ANKRD55: variants seen among roughly 807,000 people sequenced by gnomAD.
The protein encoded by ANKRD55 is ankyrin repeat domain-containing protein 55.
ANKRD55 carries 41 observed loss-of-function variants against 60.6 expected under a neutral mutation model. The ratio of observed to expected loss-of-function variants is 0.68; its 90% CI spans 0.53 to 0.88. The LOEUF (loss-of-function observed/expected upper bound fraction) is 0.88, where lower values mean the gene tolerates loss of function less well. Ranked by LOEUF, ANKRD55 falls within the 40% of genes least tolerant of loss-of-function variation. ANKRD55 has a pLI of 0.00. For synonymous variants in ANKRD55, 264 were observed against 290.3 expected (o/e 0.91, Z 0.92); for missense variants, 732 against 767.6 (o/e 0.95, Z 0.55).
At chr5:56,167,237 C>T (rs141654011) in intron 5 of ANKRD55, among the ~76,000 whole-genome samples, 5 of 152,150 alleles carry the variant, frequency 3.3e-5, no homozygotes, top group South Asian at 2.1e-4. Context: ...GATGGTAGAG[C>T]GTACTACACA....
intron 11 of ANKRD55, among the ~76,000 whole-genome samples, chr5:56,101,560 A>G (rs1280206671): frequency 6.6e-6 from 1 of 152,096 alleles, no homozygotes; most frequent in Non-Finnish European, 1.5e-5. Flanking sequence ...AACTTGCTTT[A>G]TTATTATTAT....
At chr5:56,173,600 A>T (rs192169078) in intron 4 of ANKRD55, among the ~76,000 whole-genome samples, 31 of 136,792 alleles carry the variant, frequency 2.3e-4, no homozygotes, top group African/African-American at 9.0e-4. Flanking sequence ...ATATATATAT[A>T]TATATATCTT....
chr5:56,195,259 C>G (rs983589665), intron 2 of ANKRD55, among the ~76,000 whole-genome samples: 4 of 152,138 alleles, frequency 2.6e-5, no homozygotes, highest in African/African-American at 9.7e-5. Context: ...TGTTTAAAGA[C>G]TTTCTGAAAG....
At chr5:56,228,434 T>C (rs1760171893) in intron 2 of ANKRD55, among the ~76,000 whole-genome samples, 1 of 151,664 alleles carries the variant, frequency 6.6e-6, no homozygotes, top group Admixed American at 6.6e-5. Flanking sequence ...TGACTTTTTT[T>C]TTTTTTTTTG....
intron 2 of ANKRD55, among the ~76,000 whole-genome samples, chr5:56,198,359 C>T (rs1759276128): frequency 6.6e-6 from 1 of 151,726 alleles, no homozygotes; most frequent in African/African-American, 2.4e-5. Flanking sequence ...GATCTTGGCT[C>T]ACCGCAACCT....
chr5:56,137,298 G>A (rs908618410), intron 7 of ANKRD55: 20 of 1,560,686 alleles, frequency 1.3e-5, no homozygotes, highest in Admixed American at 1.2e-4. Flanking sequence ...TATGGGTTTC[G>A]ATGTAGATTA....
At chr5:56,151,897 G>GTA (rs548983624) in intron 6 of ANKRD55, among the ~76,000 whole-genome samples, 75 of 146,672 alleles carry the variant, frequency 5.1e-4, no homozygotes, top group African/African-American at 1.8e-3. Flanking sequence ...ACATACACAC[G>GTA]TATATGTGTG....
chr5:56,148,780 G>A (rs1757962382), intron 6 of ANKRD55, among the ~76,000 whole-genome samples: 1 of 151,980 alleles, frequency 6.6e-6, no homozygotes, highest in African/African-American at 2.4e-5. Context: ...GGCACACAGA[G>A]AGAAATGTTG....
At chr5:56,212,049 G>GACAC (rs200349739) in intron 2 of ANKRD55, among the ~76,000 whole-genome samples, 4,101 of 130,148 alleles carry the variant, frequency 0.032, 115 homozygotes, top group East Asian at 0.17. Context: ...AACTGGTAAA[G>GACAC]ACACACACAC....
intron 5 of ANKRD55, among the ~76,000 whole-genome samples, chr5:56,164,809 G>A (rs1397114560): frequency 6.6e-6 from 1 of 152,204 alleles, no homozygotes; most frequent in Non-Finnish European, 1.5e-5. Context: ...AAAGTAGGAA[G>A]GGGAATCATG....
chr5:56,122,765 A>T (rs1757109336), intron 8 of ANKRD55, among the ~76,000 whole-genome samples: 1 of 151,334 alleles, frequency 6.6e-6, no homozygotes, highest in Non-Finnish European at 1.5e-5. Context: ...GGCAAAGGGC[A>T]AGTTGACATT....
chr5:56,186,397 T>C (rs143062313), intron 2 of ANKRD55, among the ~76,000 whole-genome samples: 2 of 152,258 alleles, frequency 1.3e-5, no homozygotes, highest in East Asian at 3.9e-4. Flanking sequence ...CTAATGATCC[T>C]CCCATGTTGG....
chr5:56,124,563 A>C (rs977458641), intron 8 of ANKRD55, among the ~76,000 whole-genome samples: 3 of 152,034 alleles, frequency 2.0e-5, no homozygotes, highest in African/African-American at 7.3e-5. Flanking sequence ...GCTGGAGTGC[A>C]GTGGCACAAT....
chr5:56,109,896 T>A (rs1032270910), intron 10 of ANKRD55, among the ~76,000 whole-genome samples: 1 of 152,066 alleles, frequency 6.6e-6, no homozygotes, highest in Admixed American at 6.6e-5. Context: ...CATATGCCTG[T>A]AGTCTCAGCT....
At chr5:56,125,031 A>G (rs1244159222) in intron 8 of ANKRD55, among the ~76,000 whole-genome samples, 1 of 152,120 alleles carries the variant, frequency 6.6e-6, no homozygotes, top group African/African-American at 2.4e-5. Context: ...ACTTTCCACC[A>G]TGAGGCCTAG....
chr5:56,102,285 G>A (rs774667134), intron 11 of ANKRD55, among the ~76,000 whole-genome samples: 1 of 152,094 alleles, frequency 6.6e-6, no homozygotes, highest in African/African-American at 2.4e-5. Context: ...AGCTACTTGG[G>A]AGGCTGAGGC....
At chr5:56,137,927 C>T (rs1014725262) in intron 7 of ANKRD55, among the ~76,000 whole-genome samples, 1 of 152,046 alleles carries the variant, frequency 6.6e-6, no homozygotes, top group Non-Finnish European at 1.5e-5. Context: ...AAAAGATGCA[C>T]CACATCATAC....
chr5:56,153,921 A>C (rs1017938429), intron 6 of ANKRD55, among the ~76,000 whole-genome samples: 1 of 149,158 alleles, frequency 6.7e-6, no homozygotes, highest in Non-Finnish European at 1.5e-5. Context: ...AGTTGAAAAA[A>C]CTAAGTTAGG....
intron 2 of ANKRD55, among the ~76,000 whole-genome samples, chr5:56,187,162 A>T (rs1162147814): frequency 6.6e-6 from 1 of 152,230 alleles, no homozygotes; most frequent in African/African-American, 2.4e-5. Flanking sequence ...GTAGAGTAAC[A>T]TATTGAAAGA....
Sources: allele counts gnomAD v4.1 joint callset (sites outside exome capture counted in the v4.1 genomes callset), GRCh38; gene constraint gnomAD v4.1.1; transcripts MANE v1.5; gene names NCBI Gene and HGNC (gene_info 2026-07-23, HGNC 2026-07-21).